Variants in HPSE2 observed in about 807,000 individuals in gnomAD.
HPSE2 encodes the protein inactive heparanase-2.
A neutral mutation model predicts 60.5 loss-of-function variants in HPSE2; 38 were observed. The observed-to-expected ratio is 0.63, with a 90% CI of 0.48 to 0.82. The LOEUF (loss-of-function observed/expected upper bound fraction) is 0.82. HPSE2 is among the 40% of genes least tolerant of loss of function. HPSE2 has a pLI of 0.00. For missense variants in HPSE2, 713 were observed against 740.4 expected (o/e 0.96, Z 0.43); for synonymous variants, 295 against 293.2 (o/e 1.01, Z -0.06).
At chr10:99,149,028 A>T (rs185967128) in intron 2 of HPSE2, among the ~76,000 whole-genome samples, 3 of 151,934 alleles carry the variant, frequency 2.0e-5, no homozygotes, top group Non-Finnish European at 2.9e-5. Flanking sequence ...AAGTTTAAAA[A>T]ATAAATATAT....
chr10:98,938,389 C>G (rs1404902177), intron 3 of HPSE2, among the ~76,000 whole-genome samples: 1 of 144,024 alleles, frequency 6.9e-6, no homozygotes, highest in Non-Finnish European at 1.5e-5. Context: ...CAGAGAAGTG[C>G]TTAAAGTAGC....
chr10:98,511,767 GT>G (rs1169972647), intron 9 of HPSE2, among the ~76,000 whole-genome samples: 1 of 152,144 alleles, frequency 6.6e-6, no homozygotes, highest in Non-Finnish European at 1.5e-5. Flanking sequence ...TCCTGAAGCT[GT>G]TGAGAATGAA....
intron 3 of HPSE2, among the ~76,000 whole-genome samples, chr10:99,086,422 G>A (rs1244900356): frequency 1.5e-5 from 2 of 132,500 alleles, no homozygotes; most frequent in African/African-American, 5.6e-5. Context: ...GCGGGATCTC[G>A]GCTCACTGCA....
intron 3 of HPSE2, among the ~76,000 whole-genome samples, chr10:99,080,619 C>G (rs956700837): frequency 6.6e-6 from 1 of 152,188 alleles, no homozygotes; most frequent in Non-Finnish European, 1.5e-5. Flanking sequence ...TTTAGTTCCA[C>G]TTAGCAAATC....
chr10:99,006,428 G>T (rs1054157354), intron 3 of HPSE2, among the ~76,000 whole-genome samples: 4 of 152,160 alleles, frequency 2.6e-5, no homozygotes, highest in African/African-American at 7.2e-5. Flanking sequence ...ATCTTGCCTT[G>T]TATCTGATGC....
intron 3 of HPSE2, among the ~76,000 whole-genome samples, chr10:99,082,640 G>A (rs914962124): frequency 2.0e-5 from 3 of 152,176 alleles, no homozygotes; most frequent in Admixed American, 1.3e-4. Flanking sequence ...GTTGGCTCCA[G>A]GAGAGCTGAG....
rs533650525 is a variant in HPSE2 at position 98,801,383 on chromosome 10, A to T, written c.611-57327T>A. 5.3e-4 allele frequency among the ~76,000 whole-genome samples: 80 copies of T among 152,280 alleles called. 2 individuals carry two copies. The South Asian group carries it at 0.016, about 30-fold the overall frequency. On this transcript the variant is annotated intron_variant, in intron 3 of 11. Transcript: ENST00000370552. ...GAGAAATCAGACAAGAAAAAAAAATAAAGGGCATCCAAATTGGAAAGAAAG... is the reference window on the plus strand; with the variant it reads ...GAGAAATCAGACAAGAAAAAAAAATTAAGGGCATCCAAATTGGAAAGAAAG...
rs1951199252 is a variant in HPSE2, at chr10:98,812,823, C to T, written c.611-68767G>A. On this transcript the variant is annotated intron_variant, in intron 3 of 11. Transcript: ENST00000370552. ...TCAAACTTTGTCTCTTCTTTTTTTTCCATAAAAGCTTTTTTACAATAAATT... is the reference window on the plus strand; with the variant it reads ...TCAAACTTTGTCTCTTCTTTTTTTTTCATAAAAGCTTTTTTACAATAAATT... Among the ~76,000 whole-genome samples the T allele has an allele frequency of 2.0e-5, 3 of 151,716 alleles. No homozygotes were observed. The South Asian group carries it at 6.2e-4, about 31-fold the overall frequency.
chr10:98,689,239 T>C (rs1367255834), intron 6 of HPSE2, among the ~76,000 whole-genome samples: 1 of 152,186 alleles, frequency 6.6e-6, no homozygotes, highest in African/African-American at 2.4e-5. Context: ...TTAGGCTATT[T>C]GGTATTAGCA....
rs1270305805 is a variant in HPSE2, at chr10:98,936,937, C to A, written c.611-192881G>T. 3.9e-4 allele frequency among the ~76,000 whole-genome samples: 43 copies of A among 109,804 alleles called. 6 individuals carry two copies. The highest frequency in any genetic ancestry group is 1.9e-3 in the African/African-American group (43 of 22,970). The allele number at this position is 109,804 out of a possible 152,430, so 72.0% of individuals were successfully genotyped here. ...GAGGTTGCAGTGAGCTGAGACAGCA[C>A]TACTACACTCCAAACTGGGCGACAG... On this transcript the variant is annotated intron_variant, in intron 3 of 11. Coordinates refer to ENST00000370552, the MANE Select transcript of HPSE2 (RefSeq NM_021828.5).
At chr10:98,503,745 A>C (rs1342562393) in intron 9 of HPSE2, among the ~76,000 whole-genome samples, 1 of 152,202 alleles carries the variant, frequency 6.6e-6, no homozygotes. Context: ...CTATTATTCT[A>C]AGTAAACTAA....
intron 5 of HPSE2, among the ~76,000 whole-genome samples, chr10:98,719,067 A>C (rs1948858339): frequency 6.6e-6 from 1 of 152,226 alleles, no homozygotes; most frequent in Non-Finnish European, 1.5e-5. Flanking sequence ...AACTGAAGTT[A>C]GTCATGATTT....
intron 3 of HPSE2, among the ~76,000 whole-genome samples, chr10:99,093,979 A>T (rs1314337445): frequency 6.6e-6 from 1 of 152,170 alleles, no homozygotes; most frequent in African/African-American, 2.4e-5. Flanking sequence ...TTTTTAAATT[A>T]AGTGCTCAAT....
chr10:98,866,272 A>C (rs1952585541), intron 3 of HPSE2, among the ~76,000 whole-genome samples: 1 of 152,154 alleles, frequency 6.6e-6, no homozygotes, highest in South Asian at 2.1e-4. Context: ...ATGCAAGAGA[A>C]AACATTAGTG....
At chr10:98,977,541 A>G (rs993547669) in intron 3 of HPSE2, among the ~76,000 whole-genome samples, 2 of 152,168 alleles carry the variant, frequency 1.3e-5, no homozygotes, top group African/African-American at 2.4e-5. Flanking sequence ...AATGGGATTC[A>G]TTGTAAATTC....
intron 3 of HPSE2, among the ~76,000 whole-genome samples, chr10:99,097,417 T>C: frequency 6.6e-6 from 1 of 152,332 alleles, no homozygotes; most frequent in East Asian, 1.9e-4. Context: ...GTATTTAATG[T>C]GTTTTAGGGT....
At chr10:98,780,708 T>C (rs182517303) in intron 3 of HPSE2, among the ~76,000 whole-genome samples, 16 of 152,172 alleles carry the variant, frequency 1.1e-4, no homozygotes, top group African/African-American at 3.4e-4. Flanking sequence ...AAGTTTTCAA[T>C]AGGAAGGAAG....
intron 9 of HPSE2, among the ~76,000 whole-genome samples, chr10:98,550,194 A>G (rs182175324): frequency 3.8e-4 from 58 of 152,184 alleles, no homozygotes; most frequent in African/African-American, 1.4e-3. Context: ...TGTTACCTCT[A>G]TTAGAAACTT....
At chr10:98,881,280 G>A (rs1953015907) in intron 3 of HPSE2, among the ~76,000 whole-genome samples, 1 of 152,000 alleles carries the variant, frequency 6.6e-6, no homozygotes, top group Admixed American at 6.6e-5. Flanking sequence ...TCCCTTGGTA[G>A]ATCAAGTCCA....
Sources: allele counts gnomAD v4.1 joint callset (sites outside exome capture counted in the v4.1 genomes callset), GRCh38; gene constraint gnomAD v4.1.1; transcripts MANE v1.5; gene names NCBI Gene and HGNC (gene_info 2026-07-23, HGNC 2026-07-21).